SIMC1: variants seen among roughly 807,000 people sequenced by gnomAD.
The protein encoded by SIMC1 is SUMO-interacting motif-containing protein 1.
A neutral mutation model predicts 82.3 loss-of-function variants in SIMC1; 55 were observed. That is an observed-to-expected ratio of 0.67 (90% CI 0.54 to 0.84). The LOEUF is 0.84. SIMC1 is among the 40% of genes least tolerant of loss of function. The pLI is 0.00. For synonymous variants in SIMC1, 353 were observed against 426.3 expected (o/e 0.83, Z 2.12); for missense variants, 915 against 1,107.2 (o/e 0.83, Z 2.46).
intron 7 of SIMC1, among the ~76,000 whole-genome samples, chr5:176,329,559 C>G (rs1765544322): frequency 6.6e-6 from 1 of 151,142 alleles, no homozygotes; most frequent in East Asian, 1.9e-4. Context: ...TTGTGCTACC[C>G]TTTTATAGCT....
intron 5 of SIMC1, 41 bp downstream of exon 5, chr5:176,313,886 G>GATT (rs1392314493): frequency 6.2e-7 from 1 of 1,608,184 alleles, no homozygotes; most frequent in East Asian, 2.2e-5. Context: ...AGAGGTAAGG[G>GATT]ATTATAGGTG....
At chr5:176,276,449 C>CTT (rs373839606) in intron 1 of SIMC1, among the ~76,000 whole-genome samples, 1 of 145,366 alleles carries the variant, frequency 6.9e-6, no homozygotes, top group African/African-American at 2.5e-5. Flanking sequence ...ATTTTTTTTT[C>CTT]TTTTTTTTTT....
rs1426918573 is a variant in SIMC1, at chr5:176,336,840, C to T, written c.2292C>T (p.Tyr764=). 1.9e-6 allele frequency: 3 copies of T among 1,613,892 alleles called. No individual in the cohort carries two copies. The highest frequency in any genetic ancestry group is 2.5e-6 in the Non-Finnish European group (3 of 1,179,904). ...RLPLSLAQAL[Y]FLNNSTSLLK... is the part of the protein sequence containing the mutation. ...CTCTGTCTCTGGCCCAGGCCCTCTA[C>T]TTTCTGAATAATTCTACGTCACTGC... The change falls in exon 8 of 10, where the codon TAC becomes TAT. Residue 764 remains tyrosine (Y), a synonymous_variant. Transcript: ENST00000429602.
chr5:176,273,604 G>A (rs1220071116), intron 1 of SIMC1, among the ~76,000 whole-genome samples: 2 of 152,114 alleles, frequency 1.3e-5, no homozygotes, highest in Non-Finnish European at 2.9e-5. Context: ...ACTGCACCCA[G>A]TAACTCGTCA....
intron 7 of SIMC1, among the ~76,000 whole-genome samples, chr5:176,326,969 G>A (rs1179826463): frequency 2.0e-5 from 3 of 152,146 alleles, no homozygotes; most frequent in Non-Finnish European, 2.9e-5. Flanking sequence ...TAAACCCAGG[G>A]CTGCTTAATC....
chr5:176,279,498 T>C (rs937015057), intron 1 of SIMC1, among the ~76,000 whole-genome samples: 1 of 151,736 alleles, frequency 6.6e-6, no homozygotes, highest in Non-Finnish European at 1.5e-5. Flanking sequence ...ATTTTAGTTA[T>C]TTCTTGCCTT....
At chr5:176,280,071 G>A (rs1300036754) in intron 1 of SIMC1, among the ~76,000 whole-genome samples, 4 of 152,058 alleles carry the variant, frequency 2.6e-5, no homozygotes, top group African/African-American at 4.8e-5. Context: ...GTTGACAGTG[G>A]GGTGTTAAAG....
chr5:176,305,036 C>A (rs1764241993), intron 4 of SIMC1, among the ~76,000 whole-genome samples: 1 of 146,150 alleles, frequency 6.8e-6, no homozygotes, highest in Non-Finnish European at 1.5e-5. Context: ...CCGGCAGCCA[C>A]CCCATCTGGG....
chr5:176,279,389 G>A (rs1439582955), intron 1 of SIMC1, among the ~76,000 whole-genome samples: 5 of 151,928 alleles, frequency 3.3e-5, no homozygotes, highest in Admixed American at 6.6e-5. Flanking sequence ...TCTTGCTAGC[G>A]GTCTATCAAT....
chr5:176,272,904 C>T (rs1351506758), intron 1 of SIMC1, among the ~76,000 whole-genome samples: 1 of 152,200 alleles, frequency 6.6e-6, no homozygotes, highest in Admixed American at 6.5e-5. Context: ...CCTGCCATTG[C>T]TGAGGCTTGA....
In SIMC1 at chr5:176,324,707, T is replaced by G. The variant is rs150336230; in HGVS notation, c.2121T>G (p.Ile707Met). The G allele has an allele frequency of 2.9e-5, 47 of 1,603,424 alleles. No individual in the cohort carries two copies. The highest frequency in any genetic ancestry group is 3.7e-5 in the Non-Finnish European group (44 of 1,174,888). Reference protein sequence around the residue: ...DRTPTCSSNKIAEMMFGFVLD... With the variant: ...DRTPTCSSNKMAEMMFGFVLD... ...CCCCCACCTGCAGCTCCAATAAAAT[T>G]GCCGAGATGATGTTTGGGTTTGTGC... Residue 707 changes from isoleucine (I) to methionine (M), a missense_variant, in exon 7 of 10, where the codon ATT becomes ATG. This residue lies in a region of SIMC1 where 902 missense variants were observed against 1,040.3 expected (regional missense o/e 0.87). Transcript: ENST00000429602.
At chr5:176,333,629 C>T (rs1050348428) in intron 7 of SIMC1, among the ~76,000 whole-genome samples, 17 of 152,248 alleles carry the variant, frequency 1.1e-4, no homozygotes, top group East Asian at 5.8e-4. Context: ...GGGGTTTCAC[C>T]GTGTTGGCCA....
At chr5:176,311,989 T>G (rs886196518) in intron 4 of SIMC1, among the ~76,000 whole-genome samples, 20 of 152,206 alleles carry the variant, frequency 1.3e-4, no homozygotes, top group African/African-American at 4.8e-4. Context: ...ATACTGTCTA[T>G]AGATGATGGA....
intron 1 of SIMC1, 55 bp from the exon 2 acceptor site, chr5:176,289,599 A>C: frequency 7.3e-7 from 1 of 1,373,694 alleles, no homozygotes; most frequent in East Asian, 2.4e-5. Flanking sequence ...AAGTCATCTC[A>C]GATAAAGCTA....
intron 4 of SIMC1, among the ~76,000 whole-genome samples, chr5:176,299,462 T>G (rs1415124404): frequency 6.6e-6 from 1 of 151,408 alleles, no homozygotes; most frequent in African/African-American, 2.4e-5. Context: ...TCACAACTGG[T>G]AATCCAAAGA....
At chr5:176,329,037 A>G (rs1227253514) in intron 7 of SIMC1, among the ~76,000 whole-genome samples, 4 of 152,238 alleles carry the variant, frequency 2.6e-5, no homozygotes, top group Non-Finnish European at 5.9e-5. Context: ...ACTATAGTAC[A>G]ATATCACAAA....
chr5:176,325,502 G>A (rs1765353234), intron 7 of SIMC1, among the ~76,000 whole-genome samples: 1 of 152,046 alleles, frequency 6.6e-6, no homozygotes, highest in South Asian at 2.1e-4. Flanking sequence ...TGGCTAATGC[G>A]ATGAAACCCC....
chr5:176,311,761 A>T (rs564876888), intron 4 of SIMC1, among the ~76,000 whole-genome samples: 2 of 152,264 alleles, frequency 1.3e-5, no homozygotes, highest in Non-Finnish European at 2.9e-5. Flanking sequence ...TAAACGTATT[A>T]GTAAATACTT....
chr5:176,271,881 T>TTA (rs1178255018), intron 1 of SIMC1, among the ~76,000 whole-genome samples: 5 of 140,816 alleles, frequency 3.6e-5, no homozygotes, highest in African/African-American at 5.5e-5. Flanking sequence ...TATATAATTA[T>TTA]TATATATATA....
Sources: gnomAD v4.1 joint callset for allele counts (sites outside exome capture counted in the v4.1 genomes callset) on GRCh38, gnomAD v4.1.1 for gene constraint, gnomAD v4.1.1 regional missense constraint, MANE v1.5 for transcripts, NCBI Gene and HGNC (gene_info 2026-07-23, HGNC 2026-07-21) for gene names.